PELI2: variants seen among roughly 807,000 people sequenced by gnomAD.
PELI2 encodes the protein E3 ubiquitin-protein ligase pellino homolog 2.
A neutral mutation model predicts 42.3 loss-of-function variants in PELI2; 23 were observed. The observed-to-expected ratio is 0.54, with a 90% CI of 0.39 to 0.77. The LOEUF is 0.77. Among genes scored for constraint, PELI2 ranks in the 30% least tolerant of loss-of-function variants. The probability of loss-of-function intolerance (pLI) is 0.00; values close to 1 mark genes in which losing one functional copy is unlikely to be tolerated. For synonymous variants in PELI2, 245 were observed against 212.2 expected (o/e 1.15, Z -1.34); for missense variants, 463 against 553.2 (o/e 0.84, Z 1.64).
At chr14:56,271,373 C>A (rs544475799) in intron 2 of PELI2, among the ~76,000 whole-genome samples, 1 of 151,660 alleles carries the variant, frequency 6.6e-6, no homozygotes, top group Non-Finnish European at 1.5e-5. Flanking sequence ...TTTCCCATAC[C>A]GATTAAAATG....
Position 56,290,437 on chromosome 14 carries a change from C to T in PELI2, c.677C>T (p.Ala226Val). The T allele has an allele frequency of 6.2e-7, 1 of 1,602,638 alleles. No individual in the cohort carries two copies. Among genetic ancestry groups the T allele is most frequent in the East Asian group, 2.2e-5 (1 of 44,634 alleles). The stretch of plus-strand genomic sequence containing the variant: ...TACACCTTGCGAGAAACCAGGTCGG[C>T]CCAGCAACGAGGAAAGCTGGTGAGT... ...DVYTLRETRS[A>V]QQRGKLVESE... Residue 226 changes from alanine to valine, a missense_variant, in exon 5 of 6, where the codon GCC becomes GTC. Ala to Val is a moderately conservative substitution (Grantham distance 64, BLOSUM62 0). Coordinates refer to ENST00000267460, the MANE Select transcript of PELI2 (RefSeq NM_021255.3).
At chr14:56,199,449 G>A (rs1011479542) in intron 2 of PELI2, among the ~76,000 whole-genome samples, 3 of 152,090 alleles carry the variant, frequency 2.0e-5, no homozygotes, top group Admixed American at 6.6e-5. Flanking sequence ...AATCACAGAC[G>A]GTAGATTCCC....
At chr14:56,195,779 T>C (rs750069707) in intron 2 of PELI2, among the ~76,000 whole-genome samples, 40 of 152,214 alleles carry the variant, frequency 2.6e-4, no homozygotes, top group Admixed American at 1.5e-3. Flanking sequence ...TCTGGTTGTT[T>C]AAATGTGAAT....
rs886546418 is a variant in PELI2, at chr14:56,220,535, G to A, written c.207+42071G>A. On this transcript the variant is annotated intron_variant, in intron 2 of 5. Transcript: ENST00000267460. ...ATAACAGTTTGTATAAAAGGACAACGCTGATTCCAATACTACGTGTGATTG... is the reference window on the plus strand; with the variant it reads ...ATAACAGTTTGTATAAAAGGACAACACTGATTCCAATACTACGTGTGATTG... Among the ~76,000 whole-genome samples, 6 of 152,144 alleles carry A rather than the reference G, an allele frequency of 3.9e-5. No homozygotes were observed. In the East Asian group the frequency reaches 7.7e-4, roughly 20 times the overall value.
intron 1 of PELI2, among the ~76,000 whole-genome samples, chr14:56,145,585 TC>T (rs1884085358): frequency 6.6e-6 from 1 of 152,174 alleles, no homozygotes; most frequent in South Asian, 2.1e-4. Context: ...GCAGGATAAC[TC>T]CCCATAGTTT....
intron 2 of PELI2, among the ~76,000 whole-genome samples, chr14:56,269,449 GA>G (rs10718139): frequency 0.2 from 29,540 of 146,768 alleles, 3,036 homozygotes; most frequent in South Asian, 0.36. Context: ...TCTCAAAAAA[GA>G]AAAAAAAAAT....
At position 56,298,823 on chromosome 14, in the gene PELI2, A is replaced by G. The variant is rs1338957131; in HGVS notation, c.*1657A>G. 3.3e-5 allele frequency: 5 copies of G among 152,434 alleles called. No homozygotes were observed. Among genetic ancestry groups the G allele is most frequent in the Admixed American group, 6.5e-5 (1 of 15,274 alleles). 9.4% of individuals were successfully genotyped at this position (152,434 alleles called of 1,614,324 possible). On this transcript the variant is annotated 3_prime_UTR_variant, in exon 6 of 6. Transcript: ENST00000267460. ...TTTTCAGTGGAGATCATTGTTTAGGATGAGACATTTTTGGTTTTGGTTTTG... is the reference window on the plus strand; with the variant it reads ...TTTTCAGTGGAGATCATTGTTTAGGGTGAGACATTTTTGGTTTTGGTTTTG...
intron 2 of PELI2, among the ~76,000 whole-genome samples, chr14:56,271,637 A>G (rs1389391729): frequency 6.6e-6 from 1 of 152,232 alleles, no homozygotes; most frequent in Non-Finnish European, 1.5e-5. Context: ...TTAGTCTGCG[A>G]TGCCATATTA....
Position 56,288,700 on chromosome 14 carries a change from A to C in PELI2, c.507+66A>C. ...TTGTGATTATGATATGGAACATTTA[A>C]TTGGAGCAAAAAAAAATTGGCTTTG... On this transcript the variant is annotated intron_variant, in intron 4 of 5. Transcript: ENST00000267460. The surrounding 1 kb of genome is among the most constrained non-coding windows in gnomAD (Gnocchi z 4.6). 5.0e-6 allele frequency: 6 copies of C among 1,209,284 alleles called. No homozygotes were observed. The highest frequency in any genetic ancestry group is 2.3e-4 in the Middle Eastern group (1 of 4,392). The allele number at this position is 1,209,284 out of a possible 1,614,324, so 74.9% of individuals were successfully genotyped here.
chr14:56,230,386 A>C (rs1056461952), intron 2 of PELI2, among the ~76,000 whole-genome samples: 21 of 152,226 alleles, frequency 1.4e-4, no homozygotes, highest in Non-Finnish European at 2.6e-4. Flanking sequence ...AGCCCATCAG[A>C]CTAACAGCAG....
At chr14:56,183,833 ATACT>A (rs964870837) in intron 2 of PELI2, among the ~76,000 whole-genome samples, 28 of 152,184 alleles carry the variant, frequency 1.8e-4, no homozygotes, top group African/African-American at 5.5e-4. Flanking sequence ...TCAATGAGAA[ATACT>A]TACATGAAAA....
chr14:56,133,727 T>C (rs540012618), intron 1 of PELI2, among the ~76,000 whole-genome samples: 9 of 152,336 alleles, frequency 5.9e-5, no homozygotes, highest in Non-Finnish European at 1.2e-4. Flanking sequence ...ATGCCCTTCC[T>C]GAATCCTCCC....
At chr14:56,225,335 C>T (rs1176973045) in intron 2 of PELI2, among the ~76,000 whole-genome samples, 1 of 152,100 alleles carries the variant, frequency 6.6e-6, no homozygotes, top group Non-Finnish European at 1.5e-5. Context: ...AGGAAGGTTT[C>T]TGAGAGCTCC....
intron 2 of PELI2, among the ~76,000 whole-genome samples, chr14:56,223,971 T>C (rs1396783060): frequency 2.6e-5 from 4 of 152,120 alleles, no homozygotes; most frequent in African/African-American, 7.2e-5. Flanking sequence ...CGATGTACTT[T>C]AGAGTGTATT....
intron 5 of PELI2, among the ~76,000 whole-genome samples, chr14:56,293,633 C>T (rs186705187): frequency 2.6e-5 from 4 of 152,276 alleles, no homozygotes; most frequent in African/African-American, 7.2e-5. Flanking sequence ...ACCAAGTCCA[C>T]GCTCTGCCCT....
chr14:56,290,307 G>T lies in PELI2; in HGVS notation c.547G>T (p.Asp183Tyr), dbSNP rs755649643. The change falls in exon 5 of 6, where the codon GAT becomes TAT. Residue 183 changes from aspartate (D) to tyrosine (Y), a missense_variant. Transcript: ENST00000267460. ...GTGGAAAAACCCCGACGGCCACATG[G>T]ATGGGCTCACTACTAATGGCGTCCT... ...AKWKNPDGHM[D>Y]GLTTNGVLVM... is the part of the protein sequence containing the mutation. 6.2e-7 allele frequency: 1 copy of T among 1,607,700 alleles called. No homozygotes were observed. Among genetic ancestry groups the T allele is most frequent in the Non-Finnish European group, 8.5e-7 (1 of 1,175,474 alleles).
chr14:56,118,838 CCGGGGCGCT>C, intron 1 of PELI2, 101 bp downstream of exon 1: 1 of 691,112 alleles, frequency 1.4e-6, no homozygotes, highest in Non-Finnish European at 2.1e-6. Flanking sequence ...TTGGGGACCG[CCGGGGCGCT>C]CGGGGCGGCA....
rs545969160 is a variant in PELI2, at chr14:56,287,657, T to TA, written c.310-773dup. The stretch of plus-strand genomic sequence containing the variant: ...CATTAGGGCAAGAAATTAAGGGTGA[T>TA]AAAAAAACAAAAGAAAATAGATGTC... On this transcript the variant is annotated intron_variant, in intron 3 of 5. Coordinates refer to ENST00000267460, the MANE Select transcript of PELI2 (RefSeq NM_021255.3). Among the ~76,000 whole-genome samples, 47 of 152,214 alleles carry TA rather than the reference T, an allele frequency of 3.1e-4. 2 individuals carry two copies. In the South Asian group the frequency reaches 8.7e-3, roughly 28 times the overall value.
intron 2 of PELI2, among the ~76,000 whole-genome samples, chr14:56,272,904 C>G (rs773832036): frequency 6.6e-6 from 1 of 152,080 alleles, no homozygotes; most frequent in African/African-American, 2.4e-5. Context: ...CACAGATAAC[C>G]GTAGTGTCTT....
Sources: gnomAD v4.1 joint callset for allele counts (sites outside exome capture counted in the v4.1 genomes callset) on GRCh38, gnomAD v4.1.1 for gene constraint, Gnocchi (gnomAD v3.1) non-coding constraint, MANE v1.5 for transcripts, NCBI Gene and HGNC (gene_info 2026-07-23, HGNC 2026-07-21) for gene names.